CSPG4: variants seen among roughly 807,000 people sequenced by gnomAD.
The protein encoded by CSPG4 is chondroitin sulfate proteoglycan 4 (melanoma-associated).
A neutral mutation model predicts 139.3 loss-of-function variants in CSPG4; 74 were observed. The observed-to-expected ratio is 0.53, with a 90% CI of 0.44 to 0.64. The LOEUF (loss-of-function observed/expected upper bound fraction) is 0.64. Among genes scored for constraint, CSPG4 ranks in the 30% least tolerant of loss-of-function variants. CSPG4 has a pLI of 0.00. For missense variants in CSPG4, 2,565 were observed against 3,148.3 expected, an observed-to-expected ratio of 0.81 and a Z score of 4.43; for synonymous variants, 1,234 against 1,394.2, an observed-to-expected ratio of 0.89 and a Z score of 2.56.
At chr15:75,705,472 C>A (rs1337341389) in intron 1 of CSPG4, among the ~76,000 whole-genome samples, 1 of 152,234 alleles carries the variant, frequency 6.6e-6, no homozygotes, top group Non-Finnish European at 1.5e-5. Context: ...CAGATGTCCA[C>A]CGAGCATTGA....
intron 1 of CSPG4, among the ~76,000 whole-genome samples, chr15:75,708,653 G>A (rs1303062421): frequency 6.6e-6 from 1 of 152,202 alleles, no homozygotes; most frequent in Non-Finnish European, 1.5e-5. Flanking sequence ...GGGTGAGTGA[G>A]AACACCACGG....
chr15:75,684,869 G>A lies in CSPG4; in HGVS notation c.4316C>T (p.Thr1439Ile). The A allele has an allele frequency of 6.2e-7, 1 of 1,613,422 alleles. No individual in the cohort carries two copies. The highest frequency in any genetic ancestry group is 8.5e-7 in the Non-Finnish European group (1 of 1,179,710). ...LIRYVHDGSE[T>I]LTDSFVLMAN... is the part of the protein sequence containing the mutation. ...CATCAGGACAAAACTGTCTGTCAGT[G>A]TCTCGCTCCCGTCATGCACGTAGCG... The change falls in exon 5 of 10, where the codon ACA (threonine) becomes ATA (isoleucine). Residue 1439 changes from threonine (T) to isoleucine (I), a missense_variant. Physicochemically the swap from Thr to Ile is moderately conservative, Grantham distance 89 (BLOSUM62 -1). Transcript: ENST00000308508.
At position 75,689,711 on chromosome 15, in the gene CSPG4, C is replaced by T. The variant is rs1422415545; in HGVS notation, c.1354G>A (p.Val452Met). Residue 452 changes from valine to methionine, a missense_variant, in exon 3 of 10, where the codon GTG (valine) becomes ATG (methionine). Transcript: ENST00000308508. The stretch of plus-strand genomic sequence containing the variant: ...TCCATCAGGTCCAGCGTGGGCTGCA[C>T]ATGCCTCCACTCAAGCCAGGCTGTG... ...GGTAWLEWRH[V>M]QPTLDLMEAE... 6.2e-7 allele frequency: 1 copy of T among 1,612,888 alleles called. No homozygotes were observed. Among genetic ancestry groups the T allele is most frequent in the Non-Finnish European group, 8.5e-7 (1 of 1,179,842 alleles).
Position 75,677,811 on chromosome 15 carries a change from G to C in CSPG4, c.5026C>G (p.Leu1676Val), listed in dbSNP as rs770343244. Residue 1676 changes from leucine (L) to valine (V), a missense_variant, in exon 9 of 10, where the codon CTC becomes GTC. Physicochemically the swap from Leu to Val is conservative, Grantham distance 32. This residue lies in a region of CSPG4 where 2,316 missense variants were observed against 2,818.2 expected (regional missense o/e 0.82). Coordinates refer to ENST00000308508, the MANE Select transcript of CSPG4 (RefSeq NM_001897.5). ...PFWEAHDTLE[L>V]QLSSPPARDV... is the part of the protein sequence containing the mutation. The stretch of plus-strand genomic sequence containing the variant: ...CGGGCAGGCGGCGAGGACAGCTGGA[G>C]CTCTAGGGTATCATGGGCCTCCCAA... 1 of 1,612,490 alleles carries C rather than the reference G, an allele frequency of 6.2e-7. No homozygotes were observed. Among genetic ancestry groups the C allele is most frequent in the Admixed American group, 1.7e-5 (1 of 59,674 alleles).
chr15:75,694,754 A>T (rs1330010287), intron 1 of CSPG4, among the ~76,000 whole-genome samples: 2 of 152,234 alleles, frequency 1.3e-5, no homozygotes, highest in African/African-American at 2.4e-5. Context: ...AGCTACGGGA[A>T]TCAAGGGAGC....
chr15:75,709,224 G>C (rs942971557), intron 1 of CSPG4, among the ~76,000 whole-genome samples: 2 of 152,218 alleles, frequency 1.3e-5, no homozygotes, highest in Non-Finnish European at 2.9e-5. Flanking sequence ...TGGTAATACA[G>C]TAAATCTGAA....
rs1894121506 is a variant in CSPG4 at position 75,689,300 on chromosome 15, C to T, written c.1765G>A (p.Gly589Ser). Residue 589 changes from glycine to serine, a missense_variant, in exon 3 of 10, where the codon GGC becomes AGC. By Grantham distance (56) the Gly-to-Ser change is moderately conservative. This residue lies in a region of CSPG4 where 2,316 missense variants were observed against 2,818.2 expected (regional missense o/e 0.82). Transcript: ENST00000308508. Reference protein sequence around the residue: ...QAYDPDSACEGLTFQVLGTSS... With the variant: ...QAYDPDSACESLTFQVLGTSS... ...GTGCCAAGGACCTGGAAGGTGAGGC[C>T]CTCACAGGCAGAGTCCGGGTCATAG... 1 of 1,610,918 alleles carries T rather than the reference C, an allele frequency of 6.2e-7. No individual in the cohort carries two copies. Among genetic ancestry groups the T allele is most frequent in the Non-Finnish European group, 8.5e-7 (1 of 1,179,820 alleles).
In CSPG4 at chr15:75,684,798, T is replaced by C. The variant is rs145049605; in HGVS notation, c.4387A>G (p.Thr1463Ala). 4.9e-4 allele frequency: 798 copies of C among 1,613,556 alleles called. 6 individuals carry two copies. The East Asian group carries it at 0.015, about 31-fold the overall frequency. ...MDRQSHPVAF[T>A]VTVLPVNDQP... ...TCATTGACAGGCAGGACAGTGACAG[T>C]GAAGGCCACAGGATGGCTCTGGCGA... is the stretch of plus-strand genomic sequence containing the variant. The change falls in exon 5 of 10, where the codon ACT becomes GCT. Residue 1463 changes from threonine to alanine, a missense_variant. By Grantham distance (58) the Thr-to-Ala change is moderately conservative. Coordinates refer to ENST00000308508, the MANE Select transcript of CSPG4 (RefSeq NM_001897.5).
In CSPG4 at chr15:75,696,945, G is replaced by C. The variant is rs1386401472; in HGVS notation, c.89-3712C>G. 2.0e-5 allele frequency among the ~76,000 whole-genome samples: 3 copies of C among 152,254 alleles called. No individual in the cohort carries two copies. Among genetic ancestry groups the C allele is most frequent in the East Asian group, 1.9e-4 (1 of 5,196 alleles). On this transcript the variant is annotated intron_variant, in intron 1 of 9. Transcript: ENST00000308508. The surrounding 1 kb of genome is among the most constrained non-coding windows in gnomAD (Gnocchi z 4.2). ...CTCCCCGGAGGCACTACTAGGAGGA[G>C]TGTGGATGGGCCCCTGAGGCTTCCA...
At chr15:75,708,894 T>C (rs1894408456) in intron 1 of CSPG4, among the ~76,000 whole-genome samples, 1 of 152,166 alleles carries the variant, frequency 6.6e-6, no homozygotes. Flanking sequence ...TGGTGGCACA[T>C]GCTTGAAGTC....
chr15:75,690,606 G>C lies in CSPG4; in HGVS notation c.459C>G (p.Thr153=), dbSNP rs777535358. 1.6e-4 allele frequency: 257 copies of C among 1,609,076 alleles called. No homozygotes were observed. The highest frequency in any genetic ancestry group is 2.1e-4 in the Non-Finnish European group (251 of 1,178,592). ...TTCCCCTCAGGTAGGGCAGGCCAAG[G>C]GTCCCAGTGCCCCCAACAAAGAGCC... ...PYGLFVGGTG[T]LGLPYLRGTS... The change falls in exon 3 of 10, where the codon ACC becomes ACG. Residue 153 remains threonine (T), a synonymous_variant. Coordinates refer to ENST00000308508, the MANE Select transcript of CSPG4 (RefSeq NM_001897.5).
At chr15:75,708,855 C>G (rs1360413020) in intron 1 of CSPG4, among the ~76,000 whole-genome samples, 1 of 152,146 alleles carries the variant, frequency 6.6e-6, no homozygotes, top group African/African-American at 2.4e-5. Context: ...AGTGAGACCT[C>G]GTCTCTACAA....
At position 75,684,814 on chromosome 15, in the gene CSPG4, G is replaced by A. The variant is rs1483376822; in HGVS notation, c.4371C>T (p.Ser1457=). ...CAGTGACAGTGAAGGCCACAGGATG[G>A]CTCTGGCGATCCATCTCGGAGGCAT... ...MANASEMDRQ[S]HPVAFTVTVL... The change falls in exon 5 of 10, where the codon AGC becomes AGT. Residue 1457 remains serine, a synonymous_variant. Coordinates refer to ENST00000308508, the MANE Select transcript of CSPG4 (RefSeq NM_001897.5). 1 of 1,613,516 alleles carries A rather than the reference G, an allele frequency of 6.2e-7. No individual in the cohort carries two copies. Among genetic ancestry groups the A allele is most frequent in the African/African-American group, 1.3e-5 (1 of 74,924 alleles).
chr15:75,701,254 G>A (rs1566977438), intron 1 of CSPG4, among the ~76,000 whole-genome samples: 1 of 152,200 alleles, frequency 6.6e-6, no homozygotes, highest in Non-Finnish European at 1.5e-5. Context: ...CAGCAAGAAG[G>A]CCATGGACCT....
At position 75,676,027 on chromosome 15, in the gene CSPG4, A is replaced by G; in HGVS notation, c.6492T>C (p.Pro2164=). The part of the protein sequence containing the change: ...AVASLDFATE[P]YNAARPYSVA... The stretch of plus-strand genomic sequence containing the variant: ...CGCTGTAGGGCCGGGCAGCATTGTA[A>G]GGCTCAGTGGCAAAGTCCAGGGAGG... The change falls in exon 10 of 10, where the codon CCT becomes CCC. Residue 2164 remains proline (P), a synonymous_variant. Transcript: ENST00000308508. The G allele has an allele frequency of 1.3e-6, 2 of 1,556,088 alleles. No individual in the cohort carries two copies. Among genetic ancestry groups the G allele is most frequent in the Non-Finnish European group, 8.7e-7 (1 of 1,155,692 alleles).
At chr15:75,708,614 G>A (rs1169768922) in intron 1 of CSPG4, among the ~76,000 whole-genome samples, 3 of 152,208 alleles carry the variant, frequency 2.0e-5, no homozygotes, top group Non-Finnish European at 1.5e-5. Flanking sequence ...TGTCCACCTG[G>A]CCTGATGTGG....
chr15:75,689,449 G>C lies in CSPG4; in HGVS notation c.1616C>G (p.Thr539Arg). The change falls in exon 3 of 10, where the codon ACA becomes AGA. Residue 539 changes from threonine to arginine, a missense_variant. Thr to Arg is a moderately conservative substitution (Grantham distance 71). Coordinates refer to ENST00000308508, the MANE Select transcript of CSPG4 (RefSeq NM_001897.5). The part of the protein sequence containing the change: ...PMPSCLRRGQ[T>R]YLLPIQVNPV... Reference sequence around the variant, plus strand: ...GTTGACCTGGATGGGCAGGAGGTATGTTTGGCCCCTCCGAAGGCATGAGGG... The same window carrying C: ...GTTGACCTGGATGGGCAGGAGGTATCTTTGGCCCCTCCGAAGGCATGAGGG... The C allele has an allele frequency of 6.2e-7, 1 of 1,612,826 alleles. No individual in the cohort carries two copies. The highest frequency in any genetic ancestry group is 8.5e-7 in the Non-Finnish European group (1 of 1,179,860).
chr15:75,685,345 G>C lies in CSPG4; in HGVS notation c.4146C>G (p.Val1382=), dbSNP rs201023347. The C allele has an allele frequency of 2.0e-5, 32 of 1,608,898 alleles. No homozygotes were observed. In the East Asian group the frequency reaches 7.1e-4, roughly 36 times the overall value. Residue 1382 remains valine (V), a synonymous_variant, in exon 4 of 10, where the codon GTC becomes GTG. Coordinates refer to ENST00000308508, the MANE Select transcript of CSPG4 (RefSeq NM_001897.5). ...GGAGAGTGGGGAAGTAGGGCCCGGA[G>C]ACACGGAGCAGTGGAGGGGCCAGGG... is the stretch of plus-strand genomic sequence containing the variant. ...SLTLAPPLLR[V]SGPYFPTLLG...
intron 8 of CSPG4, chr15:75,679,527 G>A (rs1893942850): frequency 6.6e-6 from 1 of 152,118 alleles, no homozygotes; most frequent in Admixed American, 6.6e-5. Context: ...TCACCCCTGC[G>A]ACCTCAACTC....
Sources: gnomAD v4.1 joint callset for allele counts (sites outside exome capture counted in the v4.1 genomes callset) on GRCh38, gnomAD v4.1.1 for gene constraint, gnomAD v4.1.1 regional missense constraint, Gnocchi (gnomAD v3.1) non-coding constraint, MANE v1.5 for transcripts, NCBI Gene and HGNC (gene_info 2026-07-23, HGNC 2026-07-21) for gene names.